Variants in ADAMTSL1 observed in about 807,000 individuals in gnomAD.
The protein encoded by ADAMTSL1 is ADAMTS-like protein 1.
ADAMTSL1 carries 126 observed loss-of-function variants against 201.8 expected under a neutral mutation model. That is an observed-to-expected ratio of 0.62 (90% CI 0.54 to 0.72). The LOEUF is 0.72. ADAMTSL1 is among the 30% of genes least tolerant of loss of function. ADAMTSL1 has a pLI of 0.00. For synonymous variants in ADAMTSL1, 1,121 were observed against 903.4 expected (o/e 1.24, Z -4.32); for missense variants, 2,679 against 2,277.8 (o/e 1.18, Z -3.59).
At chr9:18,338,945 G>T (rs971997390) in intron 2 of ADAMTSL1, among the ~76,000 whole-genome samples, 4 of 152,154 alleles carry the variant, frequency 2.6e-5, no homozygotes, top group African/African-American at 9.7e-5. Context: ...TGCTGCAAAG[G>T]ACATGATCTC....
chr9:18,853,485 T>G (rs778508216), intron 23 of ADAMTSL1, among the ~76,000 whole-genome samples: 4 of 152,154 alleles, frequency 2.6e-5, no homozygotes, highest in Admixed American at 2.6e-4. Flanking sequence ...ACAGGACCAG[T>G]TAACAGGTCC....
intron 23 of ADAMTSL1, among the ~76,000 whole-genome samples, chr9:18,837,762 CGT>C (rs928086653): frequency 2.0e-5 from 3 of 152,178 alleles, no homozygotes; most frequent in African/African-American, 7.2e-5. Flanking sequence ...GAATTGAGTA[CGT>C]GTGACAGGCA....
At chr9:18,657,392 G>C (rs1287199451) in intron 7 of ADAMTSL1, among the ~76,000 whole-genome samples, 1 of 152,188 alleles carries the variant, frequency 6.6e-6, no homozygotes, top group East Asian at 1.9e-4. Flanking sequence ...ATCACAAATT[G>C]AGATATTGTT....
intron 14 of ADAMTSL1, among the ~76,000 whole-genome samples, chr9:18,712,536 G>A (rs981403354): frequency 5.9e-5 from 9 of 151,944 alleles, no homozygotes; most frequent in Non-Finnish European, 1.3e-4. Context: ...AAGCGAGAAG[G>A]GAAGTTTAGA....
intron 20 of ADAMTSL1, among the ~76,000 whole-genome samples, chr9:18,811,765 T>C (rs1823521030): frequency 6.6e-6 from 1 of 152,060 alleles, no homozygotes; most frequent in Non-Finnish European, 1.5e-5. Flanking sequence ...AGTGCAGTAA[T>C]GGAAGAAAAG....
chr9:18,715,062 A>G (rs1421580314), intron 14 of ADAMTSL1, among the ~76,000 whole-genome samples: 7 of 62,570 alleles, frequency 1.1e-4, no homozygotes, highest in African/African-American at 2.9e-4. Flanking sequence ...AACTCTCAAT[A>G]AATTAGGTAT....
rs983332054 is a variant in ADAMTSL1 at position 18,214,096 on chromosome 9, A to G, written c.207+50115A>G. 2.0e-5 allele frequency among the ~76,000 whole-genome samples: 3 copies of G among 152,186 alleles called. No individual in the cohort carries two copies. In the East Asian group the frequency reaches 5.8e-4, roughly 29 times the overall value. On this transcript the variant is annotated intron_variant, in intron 2 of 29. Transcript: ENST00000680146. ...TATTTAGTGTATTTTTGTTGTAAGA[A>G]CAAAGTCAACTCTTAGTGATCTGTA...
chr9:18,016,154 A>G (rs139663501), intron 1 of ADAMTSL1, among the ~76,000 whole-genome samples: 3 of 152,166 alleles, frequency 2.0e-5, no homozygotes, highest in African/African-American at 4.8e-5. Flanking sequence ...CATGTATTCA[A>G]TGTACATCCA....
chr9:18,178,221 A>G (rs1202513562), intron 2 of ADAMTSL1, among the ~76,000 whole-genome samples: 1 of 152,192 alleles, frequency 6.6e-6, no homozygotes, highest in African/African-American at 2.4e-5. Flanking sequence ...TGGGAAGCAC[A>G]AGGGGTCAGG....
intron 1 of ADAMTSL1, among the ~76,000 whole-genome samples, chr9:17,914,032 G>T (rs1233342211): frequency 6.6e-6 from 1 of 152,150 alleles, no homozygotes. Context: ...ATAATCAATA[G>T]CTTACCAACC....
At chr9:18,117,594 C>A (rs1315994124) in intron 1 of ADAMTSL1, among the ~76,000 whole-genome samples, 1 of 152,194 alleles carries the variant, frequency 6.6e-6, no homozygotes, top group Non-Finnish European at 1.5e-5. Flanking sequence ...CCCAACACCT[C>A]TTCCCATTGT....
intron 12 of ADAMTSL1, among the ~76,000 whole-genome samples, chr9:18,683,763 A>C (rs532465155): frequency 3.3e-5 from 5 of 152,368 alleles, no homozygotes; most frequent in Admixed American, 6.5e-5. Context: ...ACTTCAGAGA[A>C]AGAAAAGCAG....
intron 25 of ADAMTSL1, among the ~76,000 whole-genome samples, chr9:18,890,133 G>A (rs947083403): frequency 2.6e-5 from 4 of 152,156 alleles, no homozygotes; most frequent in Admixed American, 1.3e-4. Flanking sequence ...AGGAAACAAC[G>A]ATTACTGGGT....
intron 2 of ADAMTSL1, among the ~76,000 whole-genome samples, chr9:18,411,868 T>C (rs1818458604): frequency 6.6e-6 from 1 of 152,222 alleles, no homozygotes; most frequent in Admixed American, 6.5e-5. Context: ...TATAATCTAA[T>C]ACCTATTTTA....
At chr9:17,971,698 T>C (rs1365253393) in intron 1 of ADAMTSL1, among the ~76,000 whole-genome samples, 1 of 152,056 alleles carries the variant, frequency 6.6e-6, no homozygotes, top group Admixed American at 6.6e-5. Flanking sequence ...AATTTTATTT[T>C]ATAAAATTTA....
intron 23 of ADAMTSL1, among the ~76,000 whole-genome samples, chr9:18,841,416 A>G (rs1825707760): frequency 6.6e-6 from 1 of 152,088 alleles, no homozygotes; most frequent in Non-Finnish European, 1.5e-5. Flanking sequence ...AAGCTTTTTG[A>G]TGTGCTGCTG....
intron 2 of ADAMTSL1, among the ~76,000 whole-genome samples, chr9:18,399,318 T>TATATATACATATAC (rs1554672313): frequency 9.9e-6 from 1 of 100,770 alleles, no homozygotes; most frequent in African/African-American, 3.7e-5. Context: ...TATATATATA[T>TATATATACATATAC]ATATATATAT....
chr9:18,226,085 T>G (rs531973406), intron 2 of ADAMTSL1, among the ~76,000 whole-genome samples: 2 of 152,314 alleles, frequency 1.3e-5, no homozygotes, highest in East Asian at 3.9e-4. Flanking sequence ...GAGTTTTCTT[T>G]AGTCATGCCT....
chr9:18,204,123 C>A (rs544983638), intron 2 of ADAMTSL1, among the ~76,000 whole-genome samples: 5 of 152,112 alleles, frequency 3.3e-5, no homozygotes, highest in Admixed American at 1.3e-4. Flanking sequence ...GCTCTTTGGA[C>A]ATTTTTCATT....
Sources: allele counts gnomAD v4.1 joint callset (sites outside exome capture counted in the v4.1 genomes callset), GRCh38; gene constraint gnomAD v4.1.1; transcripts MANE v1.5; gene names NCBI Gene and HGNC (gene_info 2026-07-23, HGNC 2026-07-21).